Variants in BTBD9 observed in about 807,000 individuals in gnomAD.
BTBD9 encodes BTB/POZ domain-containing protein 9.
BTBD9 carries 49 observed loss-of-function variants against 64.3 expected under a neutral mutation model. That is an observed-to-expected ratio of 0.76 (90% CI 0.61 to 0.97). BTBD9 has a LOEUF of 0.97. Ranked by LOEUF, BTBD9 falls within the 50% of genes least tolerant of loss-of-function variation. BTBD9 has a pLI of 0.00. For synonymous variants in BTBD9, 260 were observed against 274.7 expected (o/e 0.95, Z 0.53); for missense variants, 598 against 762.1 (o/e 0.78, Z 2.53).
intron 1 of BTBD9, among the ~76,000 whole-genome samples, chr6:38,619,943 G>A (rs554838303): frequency 2.6e-5 from 4 of 152,312 alleles, no homozygotes; most frequent in African/African-American, 9.6e-5. Context: ...TGGGGAATAA[G>A]TTGCCCATTT....
At chr6:38,226,803 G>C (rs930527371) in intron 9 of BTBD9, among the ~76,000 whole-genome samples, 7 of 152,174 alleles carry the variant, frequency 4.6e-5, no homozygotes, top group Non-Finnish European at 5.9e-5. Context: ...TGACATAAGA[G>C]GCTTCTAAAG....
chr6:38,523,880 G>A (rs1054397063), intron 6 of BTBD9, among the ~76,000 whole-genome samples: 3 of 152,108 alleles, frequency 2.0e-5, no homozygotes, highest in East Asian at 1.9e-4. Context: ...GCAGATTCAC[G>A]GTTCACACCC....
chr6:38,507,698 C>T (rs941356414), intron 6 of BTBD9, among the ~76,000 whole-genome samples: 1 of 152,162 alleles, frequency 6.6e-6, no homozygotes, highest in African/African-American at 2.4e-5. Context: ...ATAAGCCCCC[C>T]TCTTCTCTTT....
At chr6:38,610,801 A>G (rs1380936799) in intron 1 of BTBD9, among the ~76,000 whole-genome samples, 2 of 152,002 alleles carry the variant, frequency 1.3e-5, no homozygotes, top group Non-Finnish European at 2.9e-5. Flanking sequence ...TTTGGAGGTC[A>G]GTTTGGCAGT....
chr6:38,431,229 A>G (rs551432926), intron 6 of BTBD9, among the ~76,000 whole-genome samples: 1 of 152,010 alleles, frequency 6.6e-6, no homozygotes, highest in East Asian at 1.9e-4. Flanking sequence ...CATAAATCCT[A>G]TTGCCTCTTC....
At chr6:38,367,393 A>G (rs1410526526) in intron 6 of BTBD9, among the ~76,000 whole-genome samples, 1 of 152,196 alleles carries the variant, frequency 6.6e-6, no homozygotes, top group African/African-American at 2.4e-5. Flanking sequence ...TCAGAGCATG[A>G]TTTCTGACAG....
In BTBD9 at chr6:38,412,152, CA is replaced by C. The variant is rs527715894; in HGVS notation, c.1155-67060del. 1.0e-3 allele frequency among the ~76,000 whole-genome samples: 158 copies of C among 150,892 alleles called. 2 individuals are homozygous for C. Among genetic ancestry groups the C allele is most frequent in the Middle Eastern group, 3.4e-3 (1 of 294 alleles). The stretch of plus-strand genomic sequence containing the variant: ...AAAACAAAATTCTACATACTAAAAA[CA>C]AAAAAAAGCAACACAAAAGTACAAA... On this transcript the variant is annotated intron_variant, in intron 6 of 10. Transcript: ENST00000481247.
chr6:38,550,720 C>G (rs1021867802), intron 6 of BTBD9, among the ~76,000 whole-genome samples: 1 of 152,136 alleles, frequency 6.6e-6, no homozygotes, highest in Non-Finnish European at 1.5e-5. Context: ...TGCTTCTACC[C>G]TCATCCAAGC....
At chr6:38,378,454 G>A (rs1765783406) in intron 6 of BTBD9, among the ~76,000 whole-genome samples, 1 of 151,458 alleles carries the variant, frequency 6.6e-6, no homozygotes, top group African/African-American at 2.4e-5. Flanking sequence ...ATGTTGGCCA[G>A]GCTGGTCCTG....
At chr6:38,264,767 C>T (rs911519566) in intron 8 of BTBD9, among the ~76,000 whole-genome samples, 2 of 152,140 alleles carry the variant, frequency 1.3e-5, no homozygotes, top group Non-Finnish European at 2.9e-5. Flanking sequence ...AGATTCTCAG[C>T]GGGAGCCTAG....
At chr6:38,355,419 G>GT (rs1233729946) in intron 6 of BTBD9, among the ~76,000 whole-genome samples, 1 of 152,142 alleles carries the variant, frequency 6.6e-6, no homozygotes, top group Non-Finnish European at 1.5e-5. Flanking sequence ...TGGCAAGGCT[G>GT]TTTTTTTCCC....
At position 38,223,199 on chromosome 6, in the gene BTBD9, G is replaced by A. The variant is rs543996576; in HGVS notation, c.1563-30602C>T. ...TAGGATTACAGGCATGAGCCACTAC[G>A]CCCGGCCTAGAGGAAGATTTTAGAT... On this transcript the variant is annotated intron_variant, in intron 9 of 10. Coordinates refer to ENST00000481247, the MANE Select transcript of BTBD9 (RefSeq NM_001099272.2). 7.2e-5 allele frequency among the ~76,000 whole-genome samples: 11 copies of A among 152,250 alleles called. No individual in the cohort carries two copies. The East Asian group carries it at 1.3e-3, about 19-fold the overall frequency.
In BTBD9 at chr6:38,217,207, T is replaced by G. The variant is rs1261309423; in HGVS notation, c.1563-24610A>C. ...GGTGGCGGGTGCCTGTAGTCCTAGC[T>G]ACTCAGGAAGCTGAGGCAGGAGAAT... On this transcript the variant is annotated intron_variant, in intron 9 of 10. Coordinates refer to ENST00000481247, the MANE Select transcript of BTBD9 (RefSeq NM_001099272.2). 2.7e-5 allele frequency among the ~76,000 whole-genome samples: 4 copies of G among 147,400 alleles called. No individual in the cohort carries two copies. In the East Asian group the frequency reaches 8.1e-4, roughly 30 times the overall value.
intron 8 of BTBD9, among the ~76,000 whole-genome samples, chr6:38,282,911 TTATTATCTCCCCTCAACCCCAC>T (rs1356601498): frequency 6.6e-6 from 1 of 152,090 alleles, no homozygotes; most frequent in Non-Finnish European, 1.5e-5. Flanking sequence ...AAAACAGCGT[TTATTATCTCCCCTCAACCCCAC>T]TAGAATGTCA....
chr6:38,327,572 G>C (rs1763490075), intron 7 of BTBD9, among the ~76,000 whole-genome samples: 1 of 152,106 alleles, frequency 6.6e-6, no homozygotes, highest in Non-Finnish European at 1.5e-5. Flanking sequence ...CATCTTTCCT[G>C]AGACATAACT....
chr6:38,399,398 G>T (rs1376715153), intron 6 of BTBD9, among the ~76,000 whole-genome samples: 3 of 152,102 alleles, frequency 2.0e-5, no homozygotes, highest in African/African-American at 7.2e-5. Context: ...ATAAAGACTT[G>T]TTTCTGCTAT....
At chr6:38,479,550 G>T (rs542992925) in intron 6 of BTBD9, among the ~76,000 whole-genome samples, 6 of 151,948 alleles carry the variant, frequency 3.9e-5, no homozygotes, top group Non-Finnish European at 8.8e-5. Flanking sequence ...CCAAGCCCAG[G>T]CTTGAATCAC....
intron 6 of BTBD9, among the ~76,000 whole-genome samples, chr6:38,468,418 A>G (rs1770493233): frequency 6.6e-6 from 1 of 152,220 alleles, no homozygotes; most frequent in Non-Finnish European, 1.5e-5. Context: ...TCACTCCTGT[A>G]ACTTTTTCCA....
intron 9 of BTBD9, among the ~76,000 whole-genome samples, chr6:38,247,547 T>A (rs1273727389): frequency 6.6e-6 from 1 of 152,076 alleles, no homozygotes; most frequent in Admixed American, 6.5e-5. Flanking sequence ...CAACATTAGG[T>A]TGCTGTAGAG....
Sources: allele counts gnomAD v4.1 joint callset (sites outside exome capture counted in the v4.1 genomes callset), GRCh38; gene constraint gnomAD v4.1.1; transcripts MANE v1.5; gene names NCBI Gene and HGNC (gene_info 2026-07-23, HGNC 2026-07-21).